The following FBXO10 variants were observed in gnomAD, a reference collection of about 807,000 sequenced individuals.
FBXO10 encodes the protein F-box only protein 10.
FBXO10 carries 39 observed loss-of-function variants against 80.7 expected under a neutral mutation model. The ratio of observed to expected loss-of-function variants is 0.48; its 90% CI spans 0.37 to 0.63. FBXO10 has a LOEUF of 0.63. Among genes scored for constraint, FBXO10 ranks in the 30% least tolerant of loss-of-function variants. The probability of loss-of-function intolerance (pLI) is 0.00; values close to 1 mark genes in which losing one functional copy is unlikely to be tolerated. For missense variants in FBXO10, 1,025 were observed against 1,269.0 expected (o/e 0.81, Z 2.92); for synonymous variants, 449 against 489.6 (o/e 0.92, Z 1.09).
At position 37,512,292 on chromosome 9, in the gene FBXO10, C is replaced by A; in HGVS notation, c.*255G>T. The A allele has an allele frequency of 2.8e-6, 1 of 355,452 alleles. No individual in the cohort carries two copies. The highest frequency in any genetic ancestry group is 2.1e-5 in the African/African-American group (1 of 48,352). The allele number at this position is 355,452 out of a possible 1,614,324, so 22.0% of individuals were successfully genotyped here. A position where few individuals can be genotyped will look rare whatever the true frequency, so the allele number is the denominator to read the frequency against. On this transcript the variant is annotated 3_prime_UTR_variant, in exon 11 of 11. Coordinates refer to ENST00000432825, the MANE Select transcript of FBXO10 (RefSeq NM_012166.3). ...AAAGCTTCAGCATTTGAGCTTCCCC[C>A]GCTCTTCACAATCTTTATAGACTTC...
intron 1 of FBXO10, among the ~76,000 whole-genome samples, chr9:37,546,194 T>G (rs1822051920): frequency 6.6e-6 from 1 of 150,874 alleles, no homozygotes. Flanking sequence ...AGGAGGTGAG[T>G]GCCAAGAACA....
At chr9:37,566,942 G>C (rs949404272) in intron 1 of FBXO10, among the ~76,000 whole-genome samples, 1 of 152,108 alleles carries the variant, frequency 6.6e-6, no homozygotes, top group African/African-American at 2.4e-5. Flanking sequence ...GGAGCCATAA[G>C]GACCCTCTCT....
At chr9:37,558,560 T>G (rs2119172731) in intron 1 of FBXO10, among the ~76,000 whole-genome samples, 1 of 152,250 alleles carries the variant, frequency 6.6e-6, no homozygotes, top group African/African-American at 2.4e-5. Flanking sequence ...CATAATTCAC[T>G]TACAGAGAAT....
At chr9:37,522,634 A>G (rs1821371358) in intron 7 of FBXO10, 191 bp downstream of exon 7, 2 of 1,214,778 alleles carry the variant, frequency 1.6e-6, no homozygotes, top group African/African-American at 1.5e-5. Flanking sequence ...CACGGGGTCA[A>G]TCTGGACTAC....
chr9:37,521,616 G>A lies in FBXO10; in HGVS notation c.2153C>T (p.Pro718Leu). ...LEKEDDPLRR[P>L]ITIALVESNS... ...AGACTCAACAAGAGCTATGGTGATG[G>A]GCCGGCGCAGTGGGTCGTCCTCCTT... Residue 718 changes from proline (P) to leucine (L), a missense_variant, in exon 8 of 11, where the codon CCC (proline) becomes CTC (leucine). Pro to Leu is a moderately conservative substitution (Grantham distance 98). Around this residue, in one of 3 missense-constraint regions of FBXO10, gnomAD observed 478 missense variants for 667.8 expected, o/e 0.72. Coordinates refer to ENST00000432825, the MANE Select transcript of FBXO10 (RefSeq NM_012166.3). 6.2e-7 allele frequency: 1 copy of A among 1,613,920 alleles called. No individual in the cohort carries two copies. The highest frequency in any genetic ancestry group is 1.1e-5 in the South Asian group (1 of 91,046).
intron 1 of FBXO10, 122 bp downstream of exon 1, chr9:37,576,088 CA>C (rs1184695583): frequency 6.6e-6 from 1 of 152,264 alleles, no homozygotes; most frequent in Non-Finnish European, 1.5e-5. Context: ...GAAGCCCGAC[CA>C]GACGCTCAGC....
chr9:37,533,273 T>C (rs1393567870), intron 3 of FBXO10, among the ~76,000 whole-genome samples: 1 of 152,188 alleles, frequency 6.6e-6, no homozygotes, highest in Non-Finnish European at 1.5e-5. Context: ...AGGCCAGGTG[T>C]GGTGGCTCAC....
chr9:37,572,201 C>G (rs1270540566), intron 1 of FBXO10, among the ~76,000 whole-genome samples: 1 of 152,064 alleles, frequency 6.6e-6, no homozygotes, highest in Non-Finnish European at 1.5e-5. Context: ...AATATCAAGA[C>G]ACACACATGA....
At chr9:37,531,851 T>A in intron 4 of FBXO10, 58 bp downstream of exon 4, 1 of 1,593,308 alleles carries the variant, frequency 6.3e-7, no homozygotes, top group Non-Finnish European at 8.6e-7. Context: ...TTAAATATCC[T>A]CACAAATGGT....
At position 37,531,918 on chromosome 9, in the gene FBXO10, T is replaced by C. The variant is rs1275741985; in HGVS notation, c.1560A>G (p.Pro520=). 8 of 1,613,554 alleles carry C rather than the reference T, an allele frequency of 5.0e-6. No individual in the cohort carries two copies. The African/African-American group carries it at 8.0e-5, about 16-fold the overall frequency. Reference sequence around the variant, plus strand: ...AACGAACACAAAGTACCAGTATGAGTGGGTTGGACTTTTTCCGGATGTCTA... The same window carrying C: ...AACGAACACAAAGTACCAGTATGAGCGGGTTGGACTTTTTCCGGATGTCTA... ...AGVDIRKKSN[P]LILCNQIHHG... Residue 520 remains proline (P), a synonymous_variant, in exon 4 of 11, where the codon CCA becomes CCG. Transcript: ENST00000432825.
intron 3 of FBXO10, among the ~76,000 whole-genome samples, chr9:37,535,335 G>A (rs780633267): frequency 9.9e-5 from 15 of 150,968 alleles, no homozygotes; most frequent in South Asian, 8.4e-4. Flanking sequence ...AATCACAGTC[G>A]GTGACACTTC....
intron 7 of FBXO10, chr9:37,522,355 GTCA>G: frequency 1.0e-6 from 1 of 1,000,572 alleles, no homozygotes; most frequent in Non-Finnish European, 1.2e-6. Context: ...GTGGGCCTGA[GTCA>G]TCTTTATTAT....
chr9:37,519,074 T>G (rs1038478287), intron 8 of FBXO10, among the ~76,000 whole-genome samples: 3 of 152,128 alleles, frequency 2.0e-5, no homozygotes, highest in Non-Finnish European at 2.9e-5. Flanking sequence ...CACGCCCGGC[T>G]AATTTTTTGT....
At chr9:37,542,596 C>CAAA (rs34458549) in intron 1 of FBXO10, among the ~76,000 whole-genome samples, 84 of 126,156 alleles carry the variant, frequency 6.7e-4, no homozygotes, top group Middle Eastern at 4.0e-3. Context: ...ATCTCCATCT[C>CAAA]AAAAAAAAAA....
intron 5 of FBXO10, among the ~76,000 whole-genome samples, chr9:37,527,049 C>T (rs1027889397): frequency 2.6e-5 from 4 of 152,014 alleles, no homozygotes; most frequent in African/African-American, 9.7e-5. Flanking sequence ...TGGGGTTTCA[C>T]CGTGTTGGCC....
chr9:37,549,020 T>C (rs1429915279), intron 1 of FBXO10, among the ~76,000 whole-genome samples: 1 of 152,088 alleles, frequency 6.6e-6, no homozygotes, highest in Non-Finnish European at 1.5e-5. Flanking sequence ...AGTGCTGGGG[T>C]TATAGGTGTG....
chr9:37,570,950 C>T (rs746433196), intron 1 of FBXO10, among the ~76,000 whole-genome samples: 3 of 149,706 alleles, frequency 2.0e-5, no homozygotes, highest in Non-Finnish European at 4.4e-5. Context: ...GCTGAGATTG[C>T]GCCACTGCAG....
rs542946077 is a variant in FBXO10 at position 37,527,097 on chromosome 9, C to T, written c.1707-1925G>A. 1.1e-4 allele frequency among the ~76,000 whole-genome samples: 17 copies of T among 152,176 alleles called. No individual in the cohort carries two copies. In the South Asian group the frequency reaches 2.9e-3, roughly 26 times the overall value. ...AACTCCTGACCTCAAGTGATCTGCCCGCCTCGGCCTCCCAAAGTGTTGGGA... is the reference window on the plus strand; with the variant it reads ...AACTCCTGACCTCAAGTGATCTGCCTGCCTCGGCCTCCCAAAGTGTTGGGA... On this transcript the variant is annotated intron_variant, in intron 5 of 10. Transcript: ENST00000432825.
chr9:37,566,865 T>G (rs1268121951), intron 1 of FBXO10, among the ~76,000 whole-genome samples: 1 of 152,198 alleles, frequency 6.6e-6, no homozygotes, highest in African/African-American at 2.4e-5. Flanking sequence ...GTTTCTTATT[T>G]TCAGCTTTGA....
Sources: gnomAD v4.1 joint callset for allele counts (sites outside exome capture counted in the v4.1 genomes callset) on GRCh38, gnomAD v4.1.1 for gene constraint, gnomAD v4.1.1 regional missense constraint, MANE v1.5 for transcripts, NCBI Gene and HGNC (gene_info 2026-07-23, HGNC 2026-07-21) for gene names.